Variants in SAMMSON observed in about 807,000 individuals in gnomAD.
SAMMSON encodes survival associated mitochondrial melanoma specific oncogenic non-coding RNA.
At chr3:70,082,229 C>T (rs1045532105) in intron 4 of SAMMSON, among the ~76,000 whole-genome samples, 2 of 152,152 alleles carry the variant, frequency 1.3e-5, no homozygotes, top group African/African-American at 4.8e-5. Flanking sequence ...CAAATAAGAA[C>T]AGTGCTGCTT....
At chr3:70,279,677 C>A (rs1164032010) in intron 6 of SAMMSON, among the ~76,000 whole-genome samples, 1 of 152,166 alleles carries the variant, frequency 6.6e-6, no homozygotes, top group Non-Finnish European at 1.5e-5. Context: ...TCCATTTCTG[C>A]ATTTACAGAT....
At chr3:70,334,697 A>G (rs1702648854) in intron 7 of SAMMSON, among the ~76,000 whole-genome samples, 1 of 151,870 alleles carries the variant, frequency 6.6e-6, no homozygotes, top group African/African-American at 2.4e-5. Context: ...GCTAAATATG[A>G]CTCCCTCATT....
intron 9 of SAMMSON, among the ~76,000 whole-genome samples, chr3:70,388,939 C>T (rs1486716023): frequency 1.3e-5 from 2 of 152,006 alleles, no homozygotes; most frequent in Non-Finnish European, 2.9e-5. Flanking sequence ...GCAAATCTCT[C>T]ATCAATAGGT....
chr3:70,204,112 G>A (rs1296265429), intron 4 of SAMMSON, among the ~76,000 whole-genome samples: 1 of 152,110 alleles, frequency 6.6e-6, no homozygotes, highest in Non-Finnish European at 1.5e-5. Flanking sequence ...TTTCCATCCT[G>A]TTTTAAGTGG....
At chr3:70,339,526 G>T (rs1460212029) in intron 7 of SAMMSON, among the ~76,000 whole-genome samples, 1 of 152,042 alleles carries the variant, frequency 6.6e-6, no homozygotes, top group Non-Finnish European at 1.5e-5. Flanking sequence ...CTAATATCCA[G>T]AATCTACAAA....
intron 6 of SAMMSON, among the ~76,000 whole-genome samples, chr3:70,253,840 T>C (rs1332274261): frequency 6.6e-6 from 1 of 152,222 alleles, no homozygotes; most frequent in Non-Finnish European, 1.5e-5. Context: ...GAAACTCTTG[T>C]ATTAAATAAG....
intron 1 of SAMMSON, among the ~76,000 whole-genome samples, chr3:70,003,795 T>C (rs909747632): frequency 1.6e-4 from 25 of 152,180 alleles, no homozygotes; most frequent in Admixed American, 8.5e-4. Flanking sequence ...AGAATACTTT[T>C]TAATATATTT....
At chr3:70,086,274 A>C (rs1257829022) in intron 4 of SAMMSON, among the ~76,000 whole-genome samples, 1 of 152,202 alleles carries the variant, frequency 6.6e-6, no homozygotes, top group Non-Finnish European at 1.5e-5. Context: ...TTGTGGACTC[A>C]TGGTTATCCT....
At chr3:70,273,277 C>T (rs78227480) in intron 6 of SAMMSON, among the ~76,000 whole-genome samples, 2 of 152,228 alleles carry the variant, frequency 1.3e-5, no homozygotes, top group East Asian at 1.9e-4. Flanking sequence ...AAATCTTAGT[C>T]GACTCAACAA....
chr3:70,357,730 A>T (rs1575632888), intron 8 of SAMMSON, among the ~76,000 whole-genome samples: 2 of 152,284 alleles, frequency 1.3e-5, no homozygotes, highest in East Asian at 3.9e-4. Context: ...AAAAAGAAAC[A>T]TTTAAGAATG....
intron 4 of SAMMSON, among the ~76,000 whole-genome samples, chr3:70,074,228 T>C (rs1025072520): frequency 6.6e-6 from 1 of 152,094 alleles, no homozygotes; most frequent in African/African-American, 2.4e-5. Flanking sequence ...ATAAAAACCA[T>C]TTTCAATAAA....
rs1408703818 is a variant in SAMMSON at position 70,336,245 on chromosome 3, GT to G, written n.740-17928del. On this transcript the variant is annotated intron_variant and non_coding_transcript_variant, in intron 7 of 9. Transcript: ENST00000642114. Reference sequence around the variant, plus strand: ...TGACTCTCTAAGAACTACATGTTAAGTTCTATGAAAGAGAACAAGTAAGCAG... The same window carrying G: ...TGACTCTCTAAGAACTACATGTTAAGTCTATGAAAGAGAACAAGTAAGCAG... Among the ~76,000 whole-genome samples, 3 of 151,960 alleles carry G rather than the reference GT, an allele frequency of 2.0e-5. No homozygotes were observed. In the East Asian group the frequency reaches 5.8e-4, roughly 29 times the overall value.
At chr3:70,385,638 A>G (rs1022276211) in intron 9 of SAMMSON, among the ~76,000 whole-genome samples, 4 of 152,042 alleles carry the variant, frequency 2.6e-5, no homozygotes, top group African/African-American at 7.2e-5. Flanking sequence ...TTGCAGCAAT[A>G]GTCTGTCAAT....
intron 4 of SAMMSON, among the ~76,000 whole-genome samples, chr3:70,196,551 A>G (rs1323768467): frequency 6.6e-5 from 10 of 152,206 alleles, no homozygotes; most frequent in Admixed American, 6.5e-4. Context: ...AAAAGAATGC[A>G]CTAATTTGTC....
chr3:70,413,015 C>T lies in SAMMSON; in HGVS notation n.234-49545C>T, dbSNP rs367701986. 2.6e-5 allele frequency among the ~76,000 whole-genome samples: 4 copies of T among 152,160 alleles called. 1 individual carries two copies. Among genetic ancestry groups the T allele is most frequent in the African/African-American group, 9.6e-5 (4 of 41,538 alleles). Reference sequence around the variant, plus strand: ...TTTTTTGTTTTTGTTTTTGTTTCTTCTTAGCACAGAACCGGCAATTCTTAA... The same window carrying T: ...TTTTTTGTTTTTGTTTTTGTTTCTTTTTAGCACAGAACCGGCAATTCTTAA... On this transcript the variant is annotated intron_variant and non_coding_transcript_variant, in intron 2 of 3. Coordinates refer to the SAMMSON transcript ENST00000641053.
chr3:70,395,554 G>C (rs9831386), intron 2 of SAMMSON, among the ~76,000 whole-genome samples: 2 of 151,872 alleles, frequency 1.3e-5, no homozygotes, highest in African/African-American at 4.8e-5. Flanking sequence ...TTGGCTTTCC[G>C]GTTATTACTC....
chr3:70,106,032 G>A (rs1042612308), intron 4 of SAMMSON, among the ~76,000 whole-genome samples: 1 of 152,030 alleles, frequency 6.6e-6, no homozygotes, highest in Non-Finnish European at 1.5e-5. Context: ...GAAGTCTGAG[G>A]GCAAAATGCA....
At chr3:70,070,677 G>A (rs886237261) in intron 3 of SAMMSON, among the ~76,000 whole-genome samples, 1 of 151,646 alleles carries the variant, frequency 6.6e-6, no homozygotes, top group Admixed American at 6.6e-5. Context: ...AAGCTTACTT[G>A]TTAGATTTAA....
chr3:70,363,982 A>C (rs1702898906), intron 9 of SAMMSON, among the ~76,000 whole-genome samples: 1 of 151,924 alleles, frequency 6.6e-6, no homozygotes, highest in Admixed American at 6.6e-5. Flanking sequence ...GGACTCTTAA[A>C]AAATGTATAC....
Sources: allele counts gnomAD v4.1 joint callset (sites outside exome capture counted in the v4.1 genomes callset), GRCh38; gene constraint gnomAD v4.1.1; transcripts MANE v1.5; gene names NCBI Gene and HGNC (gene_info 2026-07-23, HGNC 2026-07-21).